The following GPATCH2 variants were observed in gnomAD, a reference collection of about 807,000 sequenced individuals.
The protein encoded by GPATCH2 is G patch domain-containing protein 2.
GPATCH2 carries 51 observed loss-of-function variants against 58.0 expected under a neutral mutation model. The ratio of observed to expected loss-of-function variants is 0.88; its 90% confidence interval spans 0.70 to 1.11. The LOEUF is 1.11. GPATCH2 is among the 50% of genes most tolerant of loss of function. The pLI, the probability that GPATCH2 is intolerant of heterozygous loss-of-function variation, is 0.00. For synonymous variants in GPATCH2, 222 were observed against 218.5 expected (o/e 1.02, Z -0.14); for missense variants, 625 against 652.2 (o/e 0.96, Z 0.45).
chr1:217,624,139 G>A (rs1482442184), intron 1 of GPATCH2, among the ~76,000 whole-genome samples: 1 of 152,034 alleles, frequency 6.6e-6, no homozygotes, highest in African/African-American at 2.4e-5. Flanking sequence ...TCTCCTCCAA[G>A]TCAATACCAA....
chr1:217,597,552 A>C (rs1035156447), intron 5 of GPATCH2, among the ~76,000 whole-genome samples: 1 of 152,062 alleles, frequency 6.6e-6, no homozygotes, highest in Admixed American at 6.5e-5. Flanking sequence ...ATTTTTTAAA[A>C]AGTTGATCTC....
intron 6 of GPATCH2, among the ~76,000 whole-genome samples, chr1:217,502,304 T>G (rs934002091): frequency 6.6e-6 from 1 of 152,104 alleles, no homozygotes; most frequent in African/African-American, 2.4e-5. Context: ...AATTATCAAT[T>G]TGGGGAGAAC....
At chr1:217,571,980 AGAAGGAAGGAAGGAAG>A (rs1189324019) in intron 5 of GPATCH2, among the ~76,000 whole-genome samples, 1 of 137,472 alleles carries the variant, frequency 7.3e-6, no homozygotes, top group Non-Finnish European at 1.6e-5. Context: ...AAAGAAAGAA[AGAAGGAAGGAAGGAAG>A]GAAAGAAGGA....
chr1:217,571,360 C>T (rs942343362), intron 5 of GPATCH2, among the ~76,000 whole-genome samples: 1 of 152,144 alleles, frequency 6.6e-6, no homozygotes, highest in Non-Finnish European at 1.5e-5. Flanking sequence ...AGCCTAAATG[C>T]TAAATGTGAT....
chr1:217,539,325 T>C (rs929487220), intron 5 of GPATCH2, among the ~76,000 whole-genome samples: 1 of 152,206 alleles, frequency 6.6e-6, no homozygotes, highest in African/African-American at 2.4e-5. Context: ...GAAGAGTTTA[T>C]ATGATTAAAC....
At chr1:217,567,286 T>C (rs1214311693) in intron 5 of GPATCH2, among the ~76,000 whole-genome samples, 3 of 152,196 alleles carry the variant, frequency 2.0e-5, no homozygotes, top group Non-Finnish European at 4.4e-5. Flanking sequence ...CCTCAGGTGA[T>C]CCGCCCGCCT....
intron 9 of GPATCH2, among the ~76,000 whole-genome samples, chr1:217,433,471 A>C (rs944927201): frequency 6.6e-6 from 1 of 151,248 alleles, no homozygotes; most frequent in African/African-American, 2.4e-5. Flanking sequence ...ATCTTGGCTT[A>C]CTGCAACCTC....
intron 6 of GPATCH2, among the ~76,000 whole-genome samples, chr1:217,513,815 G>A (rs1430565331): frequency 6.6e-6 from 1 of 151,280 alleles, no homozygotes; most frequent in Non-Finnish European, 1.5e-5. Flanking sequence ...AAGTAATGAA[G>A]AAAACCAGTC....
At chr1:217,573,674 T>G (rs923285691) in intron 5 of GPATCH2, among the ~76,000 whole-genome samples, 1 of 152,162 alleles carries the variant, frequency 6.6e-6, no homozygotes, top group African/African-American at 2.4e-5. Flanking sequence ...TAACTAAACT[T>G]TACGAGTCAG....
At chr1:217,435,142 C>A (rs1026485613) in intron 9 of GPATCH2, among the ~76,000 whole-genome samples, 6 of 152,152 alleles carry the variant, frequency 3.9e-5, no homozygotes, top group Non-Finnish European at 7.3e-5. Flanking sequence ...GCAGTATACA[C>A]CACAACCATA....
intron 5 of GPATCH2, among the ~76,000 whole-genome samples, chr1:217,547,452 G>A (rs1665120012): frequency 1.3e-5 from 2 of 152,170 alleles, no homozygotes; most frequent in South Asian, 2.1e-4. Context: ...ACCATTGTGC[G>A]AGATAGTGTG....
chr1:217,492,744 TTAAG>T (rs1661809330), intron 7 of GPATCH2: 1 of 152,204 alleles, frequency 6.6e-6, no homozygotes, highest in African/African-American at 2.4e-5. Flanking sequence ...ACTGTGAGTA[TTAAG>T]TAATATAAAC....
chr1:217,630,864 G>C, intron 1 of GPATCH2, 52 bp downstream of exon 1: 3 of 1,364,058 alleles, frequency 2.2e-6, no homozygotes, highest in Admixed American at 1.9e-5. Context: ...GAGCGGCCTC[G>C]GGCAATCACA....
intron 5 of GPATCH2, among the ~76,000 whole-genome samples, chr1:217,580,428 C>A (rs1667016538): frequency 6.6e-6 from 1 of 152,064 alleles, no homozygotes; most frequent in Non-Finnish European, 1.5e-5. Flanking sequence ...AATAGGTAAA[C>A]AATTTTACTT....
intron 5 of GPATCH2, among the ~76,000 whole-genome samples, chr1:217,577,433 T>G (rs1666857806): frequency 6.6e-6 from 1 of 152,194 alleles, no homozygotes; most frequent in Admixed American, 6.5e-5. Context: ...TTAACCTATG[T>G]CTTCATTTCC....
At chr1:217,509,718 G>C (rs145297364) in intron 6 of GPATCH2, among the ~76,000 whole-genome samples, 165 of 152,230 alleles carry the variant, frequency 1.1e-3, no homozygotes, top group African/African-American at 3.9e-3. Flanking sequence ...ATCTTGAACC[G>C]AGAGCCTATG....
chr1:217,435,984 T>C (rs1658808477), intron 9 of GPATCH2, among the ~76,000 whole-genome samples: 1 of 152,216 alleles, frequency 6.6e-6, no homozygotes, highest in Non-Finnish European at 1.5e-5. Flanking sequence ...CATAAATATA[T>C]GATGCACTGA....
At chr1:217,537,804 C>T (rs1372827581) in intron 5 of GPATCH2, among the ~76,000 whole-genome samples, 1 of 152,118 alleles carries the variant, frequency 6.6e-6, no homozygotes, top group Non-Finnish European at 1.5e-5. Context: ...TTCAAATTGA[C>T]AATAACATCA....
chr1:217,509,297 C>T (rs138622600), intron 6 of GPATCH2, among the ~76,000 whole-genome samples: 10 of 152,172 alleles, frequency 6.6e-5, no homozygotes, highest in African/African-American at 9.6e-5. Flanking sequence ...ACCAAGATCG[C>T]GCCACTGCAC....
Sources: gnomAD v4.1 joint callset for allele counts (sites outside exome capture counted in the v4.1 genomes callset) on GRCh38, gnomAD v4.1.1 for gene constraint, MANE v1.5 for transcripts, NCBI Gene and HGNC (gene_info 2026-07-23, HGNC 2026-07-21) for gene names.